The following ABAT variants were observed in gnomAD, a reference collection of about 807,000 sequenced individuals.
ABAT encodes 4-aminobutyrate aminotransferase, mitochondrial.
In ABAT, 45 loss-of-function variants were observed where a neutral mutation model predicts 64.6. The ratio of observed to expected loss-of-function variants is 0.70; its 90% CI spans 0.55 to 0.89. The LOEUF (loss-of-function observed/expected upper bound fraction) is 0.89. Ranked by LOEUF, ABAT falls within the 40% of genes least tolerant of loss-of-function variation. ABAT has a pLI of 0.00. For synonymous variants in ABAT, 297 were observed against 250.5 expected (o/e 1.19, Z -1.75); for missense variants, 633 against 658.4 (o/e 0.96, Z 0.42).
At chr16:8,705,756 G>C (rs1469915575) in intron 1 of ABAT, among the ~76,000 whole-genome samples, 1 of 152,140 alleles carries the variant, frequency 6.6e-6, no homozygotes, top group Non-Finnish European at 1.5e-5. Flanking sequence ...ATTTCAAAGA[G>C]AGCAGATTGA....
chr16:8,689,275 G>A (rs1432887031), intron 1 of ABAT, among the ~76,000 whole-genome samples: 1 of 152,080 alleles, frequency 6.6e-6, no homozygotes, highest in Non-Finnish European at 1.5e-5. Flanking sequence ...TGCCTCCATT[G>A]TCAAAAATCA....
At chr16:8,737,616 A>T (rs983393685) in intron 2 of ABAT, 5 of 151,910 alleles carry the variant, frequency 3.3e-5, no homozygotes, top group Admixed American at 6.6e-5. Flanking sequence ...ACCAAGATGC[A>T]GTTGTCAACA....
At chr16:8,755,954 C>T (rs2059637557) in intron 5 of ABAT, among the ~76,000 whole-genome samples, 1 of 152,090 alleles carries the variant, frequency 6.6e-6, no homozygotes, top group Non-Finnish European at 1.5e-5. Context: ...GAGGCTGAGG[C>T]AGGAGAATGG....
intron 1 of ABAT, among the ~76,000 whole-genome samples, chr16:8,714,049 T>A (rs1467193718): frequency 3.3e-5 from 5 of 152,130 alleles, no homozygotes; most frequent in African/African-American, 1.2e-4. Flanking sequence ...TGGCTCTCTG[T>A]GTGTAGGACA....
chr16:8,780,103 G>A (rs933482), intron 15 of ABAT, among the ~76,000 whole-genome samples: 3,850 of 152,240 alleles, frequency 0.025, 79 homozygotes, highest in African/African-American at 0.056. Flanking sequence ...CATTCTGGGC[G>A]GAGGGAAGGG....
At chr16:8,699,720 C>G (rs1454621173) in intron 1 of ABAT, among the ~76,000 whole-genome samples, 1 of 152,102 alleles carries the variant, frequency 6.6e-6, no homozygotes, top group Non-Finnish European at 1.5e-5. Flanking sequence ...CACCACCACA[C>G]CTGGCTGATA....
chr16:8,776,328 C>A lies in ABAT; in HGVS notation c.1123-16C>A, dbSNP rs765536692. 1.9e-6 allele frequency: 3 copies of A among 1,614,118 alleles called. No individual in the cohort carries two copies. In the East Asian group the frequency reaches 6.7e-5, roughly 36 times the overall value. On this transcript the variant is annotated splice_polypyrimidine_tract_variant and intron_variant, in intron 13 of 15. Transcript: ENST00000268251. This position sits in a 1 kb window ranked among gnomAD's most constrained non-coding sequence, Gnocchi z 4.4. ...GCATGTGTGTGAAGCCTTCCAACAC[C>A]CGTTCCTCATTCCAGCCCTACCGGA...
chr16:8,691,141 C>T (rs1217748664), intron 1 of ABAT, among the ~76,000 whole-genome samples: 1 of 152,054 alleles, frequency 6.6e-6, no homozygotes, highest in Admixed American at 6.5e-5. Flanking sequence ...TAGCTTGATG[C>T]TACAGCCACA....
chr16:8,760,058 C>T (rs1020183220), intron 6 of ABAT: 2 of 152,256 alleles, frequency 1.3e-5, no homozygotes, highest in Non-Finnish European at 2.9e-5. Flanking sequence ...GTTCAGGGCT[C>T]TTATGAAGAC....
chr16:8,741,871 C>G (rs1207286360), intron 2 of ABAT, among the ~76,000 whole-genome samples: 1 of 152,230 alleles, frequency 6.6e-6, no homozygotes, highest in East Asian at 1.9e-4. Context: ...TGATCCTCAA[C>G]TGTAAACTGT....
intron 2 of ABAT, among the ~76,000 whole-genome samples, chr16:8,741,753 G>A (rs1046913093): frequency 3.3e-5 from 5 of 152,148 alleles, no homozygotes; most frequent in African/African-American, 1.2e-4. Flanking sequence ...TGCCAACATT[G>A]AGATATAGAA....
At position 8,781,326 on chromosome 16, in the gene ABAT, T is replaced by C. The variant is rs2060433004; in HGVS notation, c.1399T>C (p.Cys467Arg). Reference protein sequence around the residue: ...ARNKGVVLGGCGDKSIRFRPT... With the variant: ...ARNKGVVLGGRGDKSIRFRPT... Reference sequence around the variant, plus strand: ...TCTTTCAGGTGTGGTGTTGGGTGGCTGTGGTGACAAATCCATTCGTTTCCG... The same window carrying C: ...TCTTTCAGGTGTGGTGTTGGGTGGCCGTGGTGACAAATCCATTCGTTTCCG... The change falls in exon 16 of 16, where the codon TGT becomes CGT. Residue 467 changes from cysteine (C) to arginine (R), a missense_variant. Cys to Arg is a radical substitution (Grantham distance 180, BLOSUM62 -3). Coordinates refer to ENST00000268251, the MANE Select transcript of ABAT (RefSeq NM_020686.6). The surrounding 1 kb of genome is among the most constrained non-coding windows in gnomAD (Gnocchi z 4.5). 3 of 1,614,040 alleles carry C rather than the reference T, an allele frequency of 1.9e-6. No homozygotes were observed. Among genetic ancestry groups the C allele is most frequent in the Non-Finnish European group, 2.5e-6 (3 of 1,180,026 alleles).
rs570479610 is a variant in ABAT, at chr16:8,738,019, A to G, written c.70+2210A>G. Among the ~76,000 whole-genome samples the G allele has an allele frequency of 1.1e-3, 144 of 132,968 alleles. 15 individuals carry two copies. The highest frequency in any genetic ancestry group is 4.1e-3 in the African/African-American group (137 of 33,108). The allele number at this position is 132,968 out of a possible 152,430, so 87.2% of individuals were successfully genotyped here. On this transcript the variant is annotated intron_variant, in intron 2 of 15. Transcript: ENST00000268251. ...AAGAAAGAAAGAAAGAAAGAAAGGA[A>G]AGAAAGAAAGAAGGACAGACAGACA...
chr16:8,730,243 G>T (rs1318209650), intron 1 of ABAT, among the ~76,000 whole-genome samples: 1 of 152,180 alleles, frequency 6.6e-6, no homozygotes, highest in African/African-American at 2.4e-5. Flanking sequence ...CTAGTGCCCA[G>T]TGAAGGGTCT....
intron 1 of ABAT, among the ~76,000 whole-genome samples, chr16:8,691,209 C>G (rs969758338): frequency 1.3e-5 from 2 of 152,126 alleles, no homozygotes; most frequent in South Asian, 2.1e-4. Flanking sequence ...TATGAGTACC[C>G]TCTCTGGGAA....
chr16:8,727,013 C>A (rs2058577424), intron 1 of ABAT, among the ~76,000 whole-genome samples: 1 of 152,142 alleles, frequency 6.6e-6, no homozygotes, highest in Non-Finnish European at 1.5e-5. Context: ...CTATTCAAAT[C>A]TTTTGTCCAT....
chr16:8,746,937 G>A (rs778672972), intron 3 of ABAT, among the ~76,000 whole-genome samples: 3 of 152,200 alleles, frequency 2.0e-5, no homozygotes, highest in Non-Finnish European at 4.4e-5. Flanking sequence ...CTGGCTGTTG[G>A]TTGATCTAGG....
rs184530947 is a variant in ABAT, at chr16:8,778,889, T to C, written c.1270-590T>C. On this transcript the variant is annotated intron_variant, in intron 14 of 15. Coordinates refer to ENST00000268251, the MANE Select transcript of ABAT (RefSeq NM_020686.6). ...TTCTGCGAAGACCTTATTTCCAAAT[T>C]AGGTCCTAGTCATAGGTTCCAGGTA... Among the ~76,000 whole-genome samples, 8 of 152,312 alleles carry C rather than the reference T, an allele frequency of 5.3e-5. 1 individual carries two copies. Among genetic ancestry groups the C allele is most frequent in the Admixed American group, 3.3e-4 (5 of 15,302 alleles).
intron 10 of ABAT, among the ~76,000 whole-genome samples, 167 bp downstream of exon 10, chr16:8,768,423 G>A (rs1010263326): frequency 4.6e-5 from 7 of 152,210 alleles, no homozygotes; most frequent in African/African-American, 1.4e-4. Context: ...GGGGGAATCA[G>A]TGTTCAGGAA....
Sources: allele counts gnomAD v4.1 joint callset (sites outside exome capture counted in the v4.1 genomes callset), GRCh38; gene constraint gnomAD v4.1.1; non-coding constraint Gnocchi (gnomAD v3.1); transcripts MANE v1.5; gene names NCBI Gene and HGNC (gene_info 2026-07-23, HGNC 2026-07-21).